SYN2: variants seen among roughly 807,000 people sequenced by gnomAD.
SYN2 encodes synapsin II, also known as synapsin-2.
SYN2 carries 19 observed loss-of-function variants against 50.9 expected under a neutral mutation model. The ratio of observed to expected loss-of-function variants is 0.37; its 90% CI spans 0.26 to 0.55. SYN2 has a LOEUF of 0.55. SYN2 is among the 20% of genes least tolerant of loss of function. The pLI, the probability that SYN2 is intolerant of heterozygous loss-of-function variation, is 0.81. For missense variants in SYN2, 587 were observed against 576.4 expected (o/e 1.02, Z -0.19); for synonymous variants, 255 against 224.9 (o/e 1.13, Z -1.20).
chr3:12,093,635 A>G lies in SYN2; in HGVS notation c.378-47016A>G, dbSNP rs778349986. 2.5e-4 allele frequency among the ~76,000 whole-genome samples: 38 copies of G among 152,134 alleles called. 1 individual carries two copies. The highest frequency in any genetic ancestry group is 3.2e-3 in the Middle Eastern group (1 of 316). On this transcript the variant is annotated intron_variant, in intron 1 of 12. Transcript: ENST00000621198. Reference sequence around the variant, plus strand: ...GTAACGATACTTTGATGTGGGAAAAACTAAGCACCTTTTGCTGAAATCAGT... The same window carrying G: ...GTAACGATACTTTGATGTGGGAAAAGCTAAGCACCTTTTGCTGAAATCAGT...
intron 1 of SYN2, among the ~76,000 whole-genome samples, chr3:12,113,115 G>A (rs1696359381): frequency 6.6e-6 from 1 of 152,112 alleles, no homozygotes. Context: ...TCCTAAAGAA[G>A]CATTTCATTC....
intron 1 of SYN2, among the ~76,000 whole-genome samples, chr3:12,088,049 A>C (rs999466304): frequency 4.6e-5 from 7 of 152,208 alleles, no homozygotes; most frequent in Non-Finnish European, 1.0e-4. Flanking sequence ...CAGGCAACAA[A>C]AGCAAAAATA....
intron 1 of SYN2, among the ~76,000 whole-genome samples, chr3:12,009,279 C>G (rs1030656169): frequency 6.6e-6 from 1 of 151,776 alleles, no homozygotes; most frequent in African/African-American, 2.4e-5. Flanking sequence ...AGGTTACTCA[C>G]TTAGCTAATG....
At chr3:12,113,369 A>T (rs956044677) in intron 1 of SYN2, among the ~76,000 whole-genome samples, 1 of 151,628 alleles carries the variant, frequency 6.6e-6, no homozygotes, top group African/African-American at 2.4e-5. Flanking sequence ...AAAAGCCCTT[A>T]AAAAAGGAGG....
At chr3:12,173,159 C>T (rs1185203373) in intron 10 of SYN2, among the ~76,000 whole-genome samples, 1 of 152,164 alleles carries the variant, frequency 6.6e-6, no homozygotes, top group African/African-American at 2.4e-5. Flanking sequence ...CTCAGGCCAC[C>T]CAGAAGGCAG....
At chr3:12,102,882 T>C (rs115961494) in intron 1 of SYN2, among the ~76,000 whole-genome samples, 1 of 152,234 alleles carries the variant, frequency 6.6e-6, no homozygotes, top group African/African-American at 2.4e-5. Flanking sequence ...TATAATGAAC[T>C]ACTCAATAAC....
intron 4 of SYN2, among the ~76,000 whole-genome samples, chr3:12,146,247 C>T (rs1002631835): frequency 6.6e-6 from 1 of 152,144 alleles, no homozygotes; most frequent in African/African-American, 2.4e-5. Context: ...AGGCCTGAGC[C>T]CAGTGACAAC....
intron 1 of SYN2, among the ~76,000 whole-genome samples, chr3:12,046,485 T>C (rs1694741930): frequency 6.6e-6 from 1 of 152,170 alleles, no homozygotes; most frequent in Non-Finnish European, 1.5e-5. Flanking sequence ...TTGCTAAGGA[T>C]TTTGCACTTT....
At chr3:12,104,516 A>C (rs902553193) in intron 1 of SYN2, among the ~76,000 whole-genome samples, 1 of 151,060 alleles carries the variant, frequency 6.6e-6, no homozygotes, top group Non-Finnish European at 1.5e-5. Context: ...GTACCCAACA[A>C]TTAGAGAACA....
chr3:12,023,486 T>G (rs534841424), intron 1 of SYN2, among the ~76,000 whole-genome samples: 1 of 152,302 alleles, frequency 6.6e-6, no homozygotes, highest in South Asian at 2.1e-4. Flanking sequence ...CAAGTCTTTT[T>G]CTGAGAGGAT....
intron 1 of SYN2, among the ~76,000 whole-genome samples, chr3:12,067,322 T>C (rs1434282718): frequency 1.3e-5 from 2 of 152,218 alleles, no homozygotes; most frequent in East Asian, 1.9e-4. Flanking sequence ...TTTTCCCTTA[T>C]TGTTTCAACT....
In SYN2 at chr3:12,141,343, A is replaced by G. The variant is rs529183179; in HGVS notation, c.436-562A>G. 2.6e-5 allele frequency among the ~76,000 whole-genome samples: 4 copies of G among 152,320 alleles called. No individual in the cohort carries two copies. In the South Asian group the frequency reaches 8.3e-4, roughly 32 times the overall value. On this transcript the variant is annotated intron_variant, in intron 2 of 12. Transcript: ENST00000621198. Reference sequence around the variant, plus strand: ...AGAAGTTTCTCATCATTCATTATACAGTGTGTTATGACTTACTGACTGTTT... The same window carrying G: ...AGAAGTTTCTCATCATTCATTATACGGTGTGTTATGACTTACTGACTGTTT...
rs535453913 is a variant in SYN2, at chr3:12,168,604, A to G, written c.1158+126A>G. ...GTTCCAGCAAGATCAGTGGGTAGCT[A>G]TTGTTTCTAACCTGCTAGGCTGACC... On this transcript the variant is annotated intron_variant, in intron 9 of 12. Coordinates refer to ENST00000621198, the MANE Select transcript of SYN2 (RefSeq NM_133625.6). The G allele has an allele frequency of 4.7e-5, 38 of 801,326 alleles. No homozygotes were observed. In the South Asian group the frequency reaches 5.1e-4, roughly 11 times the overall value. 49.6% of individuals were successfully genotyped at this position (801,326 alleles called of 1,614,324 possible).
chr3:12,007,114 T>C (rs1044457508), intron 1 of SYN2, among the ~76,000 whole-genome samples: 7 of 152,214 alleles, frequency 4.6e-5, no homozygotes, highest in Non-Finnish European at 1.0e-4. Flanking sequence ...CTTCTGTAGC[T>C]TAAGATTTGA....
intron 1 of SYN2, among the ~76,000 whole-genome samples, chr3:12,118,965 A>G (rs371354485): frequency 1.1e-4 from 17 of 152,228 alleles, no homozygotes; most frequent in African/African-American, 4.1e-4. Flanking sequence ...TTCTTTTTTC[A>G]TACCAAATCT....
chr3:12,049,527 A>T (rs13063960), intron 1 of SYN2, among the ~76,000 whole-genome samples: 1 of 22,594 alleles, frequency 4.4e-5, no homozygotes, highest in South Asian at 2.6e-3. Flanking sequence ...TCAAAAAAAA[A>T]AAAATAATAA....
chr3:12,073,633 G>A (rs1359072968), intron 1 of SYN2, among the ~76,000 whole-genome samples: 2 of 152,064 alleles, frequency 1.3e-5, no homozygotes, highest in Non-Finnish European at 2.9e-5. Flanking sequence ...TTAACTATTT[G>A]TGTTCATTCT....
Position 12,071,371 on chromosome 3 carries a change from G to A in SYN2, c.377+66443G>A, listed in dbSNP as rs148585105. The A allele has an allele frequency of 5.1e-4, 284 of 559,016 alleles. 2 individuals carry two copies. The East Asian group carries it at 9.9e-3, about 19-fold the overall frequency. 34.6% of individuals were successfully genotyped at this position (559,016 alleles called of 1,614,324 possible). On this transcript the variant is annotated intron_variant, in intron 1 of 12. Coordinates refer to ENST00000621198, the MANE Select transcript of SYN2 (RefSeq NM_133625.6). Reference sequence around the variant, plus strand: ...CACCGCAAATGCTTCTAAATGGACCGTAAGCAGATGTGTAGCATTTGCTGC... The same window carrying A: ...CACCGCAAATGCTTCTAAATGGACCATAAGCAGATGTGTAGCATTTGCTGC...
intron 4 of SYN2, 28 bp downstream of exon 4, chr3:12,145,863 A>T: frequency 6.2e-7 from 1 of 1,612,596 alleles, no homozygotes; most frequent in Non-Finnish European, 8.5e-7. Context: ...CCCCCAAGTA[A>T]AAGGGTAGGA....
Sources: allele counts gnomAD v4.1 joint callset (sites outside exome capture counted in the v4.1 genomes callset), GRCh38; gene constraint gnomAD v4.1.1; transcripts MANE v1.5; gene names NCBI Gene and HGNC (gene_info 2026-07-23, HGNC 2026-07-21).